The following FDFT1 variants were observed in gnomAD, a reference collection of about 807,000 sequenced individuals.
FDFT1 encodes the protein farnesyl-diphosphate farnesyltransferase 1, also known as squalene synthase.
Under a neutral mutation model 46.8 loss-of-function variants are expected in FDFT1, and 68 were observed. That is an observed-to-expected ratio of 1.45 (90% confidence interval 1.19 to 1.78). The LOEUF is 1.78. Ranked by LOEUF, FDFT1 falls within the 40% of genes most tolerant of loss-of-function variation. The pLI is 0.00. For missense variants in FDFT1, 928 were observed against 524.4 expected (o/e 1.77, Z -7.52); for synonymous variants, 351 against 185.1 (o/e 1.90, Z -7.28).
chr8:11,831,321 T>G (rs1810750272), intron 6 of FDFT1, among the ~76,000 whole-genome samples, 197 bp from the exon 7 acceptor site: 1 of 152,208 alleles, frequency 6.6e-6, no homozygotes, highest in African/African-American at 2.4e-5. Flanking sequence ...TTCTGTGTGT[T>G]GTTGAGAAAG....
chr8:11,798,445 T>C (rs1805783743), upstream of FDFT1, among the ~76,000 whole-genome samples: 4 of 151,816 alleles, frequency 2.6e-5, no homozygotes, highest in Non-Finnish European at 4.4e-5. Context: ...GGAAAGAAGA[T>C]GTGGCTTAAA....
At chr8:11,818,911 A>T (rs1808834756) in intron 3 of FDFT1, among the ~76,000 whole-genome samples, 1 of 152,060 alleles carries the variant, frequency 6.6e-6, no homozygotes, top group Admixed American at 6.6e-5. Flanking sequence ...TTTGCTGGTT[A>T]TTTTGCCCAT....
chr8:11,809,867 A>T lies in FDFT1; in HGVS notation c.381+17A>T. On this transcript the variant is annotated intron_variant, in intron 3 of 7. Coordinates refer to ENST00000220584, the MANE Select transcript of FDFT1 (RefSeq NM_004462.5). ...TTCCCAACGGTGAGTGGGGTTACGC[A>T]TCTTGTCTACGGACTGTTGTGTTCA... The T allele has an allele frequency of 6.2e-7, 1 of 1,600,230 alleles. No individual in the cohort carries two copies. Among genetic ancestry groups the T allele is most frequent in the Non-Finnish European group, 8.5e-7 (1 of 1,169,616 alleles).
Position 11,838,821 on chromosome 8 carries a change from G to GT in FDFT1, c.*213dup. 1.8e-6 allele frequency: 1 copy of GT among 570,238 alleles called. No homozygotes were observed. The highest frequency in any genetic ancestry group is 3.1e-6 in the Non-Finnish European group (1 of 318,256). The allele number at this position is 570,238 out of a possible 1,614,324, so 35.3% of individuals were successfully genotyped here. On this transcript the variant is annotated 3_prime_UTR_variant, in exon 8 of 8. Coordinates refer to ENST00000220584, the MANE Select transcript of FDFT1 (RefSeq NM_004462.5). ...TCATCCCAGCAACCTGTCCTTGTGG[G>GT]TGATGATCACTGTGCTGCTTGTGGC...
intron 3 of FDFT1, among the ~76,000 whole-genome samples, chr8:11,814,380 G>A (rs185388961): frequency 2.3e-4 from 35 of 149,550 alleles, no homozygotes; most frequent in Middle Eastern, 6.9e-3. Context: ...GTGTATTCCT[G>A]GTATGTTGCA....
intron 3 of FDFT1, among the ~76,000 whole-genome samples, chr8:11,813,547 A>G (rs543514443): frequency 6.6e-6 from 1 of 152,370 alleles, no homozygotes. Context: ...GTTAAGTGAC[A>G]GAATCAATGA....
At chr8:11,810,913 G>A (rs1228381016) in intron 3 of FDFT1, among the ~76,000 whole-genome samples, 2 of 139,522 alleles carry the variant, frequency 1.4e-5, no homozygotes, top group Non-Finnish European at 3.0e-5. Context: ...TTGATTCTTG[G>A]GCATAATGGG....
intron 5 of FDFT1, among the ~76,000 whole-genome samples, chr8:11,829,357 A>G (rs1810456654): frequency 1.3e-5 from 2 of 152,268 alleles, no homozygotes; most frequent in African/African-American, 4.8e-5. Context: ...ATTAAAAATC[A>G]TCAAGCCGAA....
chr8:11,826,669 G>C (rs1019027580), intron 5 of FDFT1, among the ~76,000 whole-genome samples: 2 of 152,152 alleles, frequency 1.3e-5, no homozygotes, highest in African/African-American at 4.8e-5. Flanking sequence ...ACAAAAATTA[G>C]CCGGGCGTGG....
At chr8:11,806,494 G>C (rs1324187610) in intron 1 of FDFT1, among the ~76,000 whole-genome samples, 1 of 152,128 alleles carries the variant, frequency 6.6e-6, no homozygotes, top group African/African-American at 2.4e-5. Context: ...GGAGTAAGTG[G>C]CTTGGCTTGC....
chr8:11,830,541 T>A, intron 6 of FDFT1, 121 bp downstream of exon 6: 1 of 715,156 alleles, frequency 1.4e-6, no homozygotes, highest in Non-Finnish European at 2.4e-6. Context: ...GACTCCAGTT[T>A]ATTACGCTGG....
At chr8:11,802,401 C>T (rs1249613715), upstream of FDFT1, 6 of 457,090 alleles carry the variant, frequency 1.3e-5, no homozygotes, top group East Asian at 6.9e-5. Flanking sequence ...TCCTGCGCAT[C>T]CTAAGCCCCA....
chr8:11,818,308 G>C (rs1038416985), intron 3 of FDFT1, among the ~76,000 whole-genome samples: 3 of 152,206 alleles, frequency 2.0e-5, no homozygotes, highest in Non-Finnish European at 4.4e-5. Flanking sequence ...GAATAAGTGC[G>C]ATGTGGTGCT....
At chr8:11,824,393 C>G (rs1055515835) in intron 4 of FDFT1, among the ~76,000 whole-genome samples, 4 of 152,084 alleles carry the variant, frequency 2.6e-5, no homozygotes, top group African/African-American at 9.7e-5. Flanking sequence ...TACGTTGTCT[C>G]TAAAAGAAAA....
At chr8:11,821,133 AAAC>A (rs1169910782) in intron 3 of FDFT1, among the ~76,000 whole-genome samples, 1 of 152,244 alleles carries the variant, frequency 6.6e-6, no homozygotes, top group Non-Finnish European at 1.5e-5. Context: ...AGGTTTCTCT[AAAC>A]AAGCTGTTCT....
Position 11,829,943 on chromosome 8 carries a change from G to T in FDFT1, c.703-301G>T, listed in dbSNP as rs888467746. Among the ~76,000 whole-genome samples the T allele has an allele frequency of 4.7e-4, 72 of 152,066 alleles. 1 individual carries two copies. The highest frequency in any genetic ancestry group is 1.6e-3 in the African/African-American group (67 of 41,410). On this transcript the variant is annotated intron_variant, in intron 5 of 7. Coordinates refer to ENST00000220584, the MANE Select transcript of FDFT1 (RefSeq NM_004462.5). ...ACTCACTGCAACCTCCGCCCCCTAG[G>T]TTCAAGCAATTCTTCTGTCTCACCC...
At chr8:11,821,510 G>A (rs1809241909) in intron 3 of FDFT1, among the ~76,000 whole-genome samples, 1 of 152,190 alleles carries the variant, frequency 6.6e-6, no homozygotes, top group South Asian at 2.1e-4. Context: ...AGAATCATTT[G>A]AACCTGGGAG....
At position 11,838,853 on chromosome 8, in the gene FDFT1, C is replaced by T; in HGVS notation, c.*244C>T. 1.9e-6 allele frequency: 1 copy of T among 513,152 alleles called. No homozygotes were observed. The highest frequency in any genetic ancestry group is 3.5e-6 in the Non-Finnish European group (1 of 284,900). The allele number at this position is 513,152 out of a possible 1,614,324, so 31.8% of individuals were successfully genotyped here. A position where few individuals can be genotyped will look rare whatever the true frequency, so the allele number is the denominator to read the frequency against. The stretch of plus-strand genomic sequence containing the variant: ...TCACTGTGCTGCTTGTGGCTCATGG[C>T]AGAGCATTCAGTGCCACGGTTTAGG... On this transcript the variant is annotated 3_prime_UTR_variant, in exon 8 of 8. Coordinates refer to ENST00000220584, the MANE Select transcript of FDFT1 (RefSeq NM_004462.5).
chr8:11,813,245 A>G (rs530553034), intron 3 of FDFT1, among the ~76,000 whole-genome samples: 27 of 152,350 alleles, frequency 1.8e-4, no homozygotes, highest in African/African-American at 5.1e-4. Context: ...CTCACCTGGT[A>G]CTAGTGGAAA....
Sources: allele counts gnomAD v4.1 joint callset (sites outside exome capture counted in the v4.1 genomes callset), GRCh38; gene constraint gnomAD v4.1.1; transcripts MANE v1.5; gene names NCBI Gene and HGNC (gene_info 2026-07-23, HGNC 2026-07-21).